RBM47: variants seen among roughly 807,000 people sequenced by gnomAD.
RBM47 encodes RNA-binding protein 47.
In RBM47, 21 loss-of-function variants were observed where a neutral mutation model predicts 47.1. The ratio of observed to expected loss-of-function variants is 0.45; its 90% CI spans 0.32 to 0.64. RBM47 has a LOEUF of 0.64. Ranked by LOEUF, RBM47 falls within the 30% of genes least tolerant of loss-of-function variation. The pLI, the probability that RBM47 is intolerant of heterozygous loss-of-function variation, is 0.05. For missense variants in RBM47, 708 were observed against 870.9 expected (o/e 0.81, Z 2.35); for synonymous variants, 375 against 361.7 (o/e 1.04, Z -0.42).
At chr4:40,565,463 A>G (rs1382213817) in intron 1 of RBM47, among the ~76,000 whole-genome samples, 1 of 152,078 alleles carries the variant, frequency 6.6e-6, no homozygotes, top group Non-Finnish European at 1.5e-5. Flanking sequence ...GTGGTGGTGG[A>G]CACATAGGAG....
intron 2 of RBM47, among the ~76,000 whole-genome samples, chr4:40,481,268 GTTTC>G (rs1330614614): frequency 5.9e-4 from 87 of 147,808 alleles, no homozygotes; most frequent in Middle Eastern, 3.5e-3. Context: ...ATCATATGTT[GTTTC>G]TTTCTTTTTT....
intron 3 of RBM47, among the ~76,000 whole-genome samples, chr4:40,457,726 T>G (rs1373981113): frequency 6.6e-6 from 1 of 152,236 alleles, no homozygotes. Flanking sequence ...TGAGTCACTG[T>G]GCCCAGCCAA....
intron 2 of RBM47, among the ~76,000 whole-genome samples, chr4:40,534,672 C>A (rs992498150): frequency 6.6e-6 from 1 of 152,046 alleles, no homozygotes; most frequent in African/African-American, 2.4e-5. Context: ...CGGTGGCTCA[C>A]GCCTGTAATC....
At chr4:40,611,360 C>T (rs1336255024) in intron 1 of RBM47, among the ~76,000 whole-genome samples, 1 of 152,150 alleles carries the variant, frequency 6.6e-6, no homozygotes, top group Non-Finnish European at 1.5e-5. Context: ...ATCTCCAATG[C>T]CTGACACAGA....
At chr4:40,552,452 G>T (rs532807224) in intron 1 of RBM47, among the ~76,000 whole-genome samples, 33 of 152,006 alleles carry the variant, frequency 2.2e-4, no homozygotes, top group Non-Finnish European at 2.9e-4. Context: ...ATAAAAATGG[G>T]CTCTGTATTT....
intron 1 of RBM47, among the ~76,000 whole-genome samples, chr4:40,591,558 G>T (rs1276712962): frequency 1.3e-5 from 2 of 152,048 alleles, no homozygotes; most frequent in Non-Finnish European, 2.9e-5. Context: ...GCTGGGCGTG[G>T]TGGCATGACC....
At chr4:40,616,556 C>T (rs554824352) in intron 1 of RBM47, among the ~76,000 whole-genome samples, 1 of 152,106 alleles carries the variant, frequency 6.6e-6, no homozygotes, top group East Asian at 1.9e-4. Flanking sequence ...GTGTTGCTCA[C>T]CCTCATATCC....
intron 3 of RBM47, among the ~76,000 whole-genome samples, chr4:40,461,739 G>A (rs1319445830): frequency 1.3e-5 from 2 of 152,138 alleles, no homozygotes; most frequent in African/African-American, 2.4e-5. Context: ...GACCAGCTAT[G>A]GCTAACATGG....
chr4:40,580,889 A>G (rs1320942485), intron 1 of RBM47, among the ~76,000 whole-genome samples: 1 of 152,280 alleles, frequency 6.6e-6, no homozygotes, highest in Non-Finnish European at 1.5e-5. Context: ...AGTTGAACAA[A>G]GAGACAGGGA....
At chr4:40,603,853 C>T (rs546878438) in intron 1 of RBM47, among the ~76,000 whole-genome samples, 16 of 152,278 alleles carry the variant, frequency 1.1e-4, no homozygotes, top group East Asian at 5.8e-4. Flanking sequence ...CTGCCTGCCT[C>T]GGCCTCCCAA....
rs76906268 is a variant in RBM47 at position 40,571,616 on chromosome 4, T to A, written c.-239-27110A>T. Among the ~76,000 whole-genome samples, 251 of 152,098 alleles carry A rather than the reference T, an allele frequency of 1.7e-3. 3 individuals are homozygous for A. The highest frequency in any genetic ancestry group is 5.2e-3 in the African/African-American group (214 of 41,528). ...CAATTCAACTACATAAAATTTTTTT[T>A]AAAAAATACAAACCAGGTGGGAGGA... On this transcript the variant is annotated intron_variant, in intron 1 of 6. Transcript: ENST00000295971.
Position 40,436,500 on chromosome 4 carries a change from T to A in RBM47, c.1271A>T (p.Glu424Val). 1 of 1,614,154 alleles carries A rather than the reference T, an allele frequency of 6.2e-7. No homozygotes were observed. The highest frequency in any genetic ancestry group is 1.1e-5 in the South Asian group (1 of 91,084). Residue 424 changes from glutamate (E) to valine (V), a missense_variant, in exon 5 of 7, where the codon GAA becomes GTA. Physicochemically the swap from Glu to Val is moderately radical, Grantham distance 121. Coordinates refer to ENST00000295971, the MANE Select transcript of RBM47 (RefSeq NM_001098634.2). ...AGGGATTTCCAAATTCGGCACCAGT[T>A]CATATCCTTTTTCTTGCTGCTTTCC... ...GKGKQQEKGY[E>V]LVPNLEIPTV... is the part of the protein sequence containing the mutation.
At chr4:40,585,476 TA>T (rs1209573353) in intron 1 of RBM47, among the ~76,000 whole-genome samples, 2 of 152,204 alleles carry the variant, frequency 1.3e-5, no homozygotes, top group Non-Finnish European at 2.9e-5. Context: ...TAGGCTCTAA[TA>T]AACTGACTTT....
chr4:40,587,959 A>T (rs896314825), intron 1 of RBM47, among the ~76,000 whole-genome samples: 1 of 152,192 alleles, frequency 6.6e-6, no homozygotes, highest in Admixed American at 6.5e-5. Flanking sequence ...CGGCTAGACA[A>T]CACCATGGGT....
At chr4:40,543,896 A>G (rs1435440569) in intron 2 of RBM47, 2 of 148,338 alleles carry the variant, frequency 1.3e-5, no homozygotes, top group African/African-American at 5.1e-5. Context: ...ACCCTTAAAA[A>G]TTCAACCCTC....
Position 40,563,532 on chromosome 4 carries a change from A to T in RBM47, c.-239-19026T>A, listed in dbSNP as rs536339011. ...ATCAGCTAGTTGATCTAGATAAGAA[A>T]CCTGAGATTCAGAGAGAAAGGTGAC... On this transcript the variant is annotated intron_variant, in intron 1 of 6. Transcript: ENST00000295971. Among the ~76,000 whole-genome samples the T allele has an allele frequency of 2.0e-5, 3 of 152,306 alleles. No individual in the cohort carries two copies. The South Asian group carries it at 6.2e-4, about 32-fold the overall frequency.
At chr4:40,455,909 T>C (rs1560380162) in intron 3 of RBM47, among the ~76,000 whole-genome samples, 1 of 152,224 alleles carries the variant, frequency 6.6e-6, no homozygotes, top group Non-Finnish European at 1.5e-5. Context: ...TCGTTAATTA[T>C]CTGCCTGGCA....
intron 2 of RBM47, among the ~76,000 whole-genome samples, chr4:40,483,016 T>G (rs533363809): frequency 6.6e-6 from 1 of 152,218 alleles, no homozygotes; most frequent in Non-Finnish European, 1.5e-5. Context: ...ACTAAAACTT[T>G]AGCTGCGATG....
intron 1 of RBM47, among the ~76,000 whole-genome samples, chr4:40,594,448 C>T (rs114031180): frequency 6.6e-6 from 1 of 152,096 alleles, no homozygotes; most frequent in South Asian, 2.1e-4. Flanking sequence ...AGCTTGGTCT[C>T]GAAAGCTCTC....
Sources: allele counts gnomAD v4.1 joint callset (sites outside exome capture counted in the v4.1 genomes callset), GRCh38; gene constraint gnomAD v4.1.1; transcripts MANE v1.5; gene names NCBI Gene and HGNC (gene_info 2026-07-23, HGNC 2026-07-21).